The following INPP5A variants were observed in gnomAD, a reference collection of about 807,000 sequenced individuals.
INPP5A encodes the protein inositol polyphosphate-5-phosphatase A.
INPP5A carries 14 observed loss-of-function variants against 65.2 expected under a neutral mutation model. That is an observed-to-expected ratio of 0.21 (90% CI 0.14 to 0.34). INPP5A has a LOEUF of 0.34. Ranked by LOEUF, INPP5A falls within the 10% of genes least tolerant of loss-of-function variation. The pLI, the probability that INPP5A is intolerant of heterozygous loss-of-function variation, is 1.00. For missense variants in INPP5A, 431 were observed against 545.6 expected (o/e 0.79, Z 2.09); for synonymous variants, 207 against 208.3 (o/e 0.99, Z 0.05).
chr10:132,751,544 C>T (rs544110034), intron 11 of INPP5A, among the ~76,000 whole-genome samples: 95 of 152,246 alleles, frequency 6.2e-4, no homozygotes, highest in Non-Finnish European at 1.1e-3. Flanking sequence ...AGGACACTCC[C>T]GGGTGGCGCA....
chr10:132,768,925 A>G (rs957771767), intron 12 of INPP5A, among the ~76,000 whole-genome samples: 1 of 152,202 alleles, frequency 6.6e-6, no homozygotes, highest in Non-Finnish European at 1.5e-5. Context: ...GAGTGGTTCA[A>G]GGCACCTTAT....
chr10:132,763,285 G>A lies in INPP5A; in HGVS notation c.904-2488G>A, dbSNP rs1204119816. Among the ~76,000 whole-genome samples, 5 of 152,194 alleles carry A rather than the reference G, an allele frequency of 3.3e-5. No individual in the cohort carries two copies. In the East Asian group the frequency reaches 9.6e-4, roughly 29 times the overall value. On this transcript the variant is annotated intron_variant, in intron 11 of 15. Coordinates refer to ENST00000368594, the MANE Select transcript of INPP5A (RefSeq NM_005539.5). ...TAGTCTCATAGCTGGTGCCTGCAGAGCCAAGAACCGCATGGCACCTAGCGC... is the reference window on the plus strand; with the variant it reads ...TAGTCTCATAGCTGGTGCCTGCAGAACCAAGAACCGCATGGCACCTAGCGC...
chr10:132,728,568 T>G (rs1287640275), intron 9 of INPP5A, among the ~76,000 whole-genome samples: 3 of 152,234 alleles, frequency 2.0e-5, no homozygotes, highest in African/African-American at 7.2e-5. Flanking sequence ...AGTGAGCTCA[T>G]TTCTAACCTG....
chr10:132,548,177 G>A (rs1278379023), intron 1 of INPP5A, among the ~76,000 whole-genome samples: 1 of 152,072 alleles, frequency 6.6e-6, no homozygotes, highest in African/African-American at 2.4e-5. Flanking sequence ...ATCGTGCCCG[G>A]CCATGGTGTC....
rs111412608 is a variant in INPP5A at position 132,716,336 on chromosome 10, T to C, written c.647+5880T>C. On this transcript the variant is annotated intron_variant, in intron 8 of 15. Transcript: ENST00000368594. ...CACAGGCACGGATGTTTCTGTACTT[T>C]TATTATGTGCCAGCTGGAGGCAAGC... Among the ~76,000 whole-genome samples the C allele has an allele frequency of 2.6e-3, 390 of 152,348 alleles. 3 individuals are homozygous for C. The highest frequency in any genetic ancestry group is 0.014 in the Middle Eastern group (4 of 294).
In INPP5A at chr10:132,555,090, G is replaced by A. The variant is rs2071109608; in HGVS notation, c.75+16919G>A. Among the ~76,000 whole-genome samples the A allele has an allele frequency of 6.6e-6, 1 of 151,840 alleles. No homozygotes were observed. Among genetic ancestry groups the A allele is most frequent in the Admixed American group, 6.6e-5 (1 of 15,248 alleles). Reference sequence around the variant, plus strand: ...GGCATTGATGTGGGTAGCATGGGCAGTGTGGGTGGCATGGCTGCTGTGGGT... The same window carrying A: ...GGCATTGATGTGGGTAGCATGGGCAATGTGGGTGGCATGGCTGCTGTGGGT... On this transcript the variant is annotated intron_variant, in intron 1 of 15. Coordinates refer to ENST00000368594, the MANE Select transcript of INPP5A (RefSeq NM_005539.5). The surrounding 1 kb of genome is among the most constrained non-coding windows in gnomAD (Gnocchi z 4.4).
intron 2 of INPP5A, among the ~76,000 whole-genome samples, chr10:132,617,889 A>G (rs1229958067): frequency 1.3e-5 from 2 of 152,250 alleles, no homozygotes; most frequent in East Asian, 3.9e-4. Context: ...CAGCAGACAC[A>G]TGTGCGTACA....
In INPP5A at chr10:132,704,668, G is replaced by A. The variant is rs952886671; in HGVS notation, c.475-3645G>A. On this transcript the variant is annotated intron_variant, in intron 6 of 15. Transcript: ENST00000368594. This position sits in a 1 kb window ranked among gnomAD's most constrained non-coding sequence, Gnocchi z 4.5. ...TGGATCCTGTGCGTGGCTGGGCCGTGGGGGGGCAGTGGCTGTTCCAGGTGG... is the reference window on the plus strand; with the variant it reads ...TGGATCCTGTGCGTGGCTGGGCCGTAGGGGGGCAGTGGCTGTTCCAGGTGG... 2.6e-5 allele frequency among the ~76,000 whole-genome samples: 4 copies of A among 152,018 alleles called. No individual in the cohort carries two copies. The South Asian group carries it at 6.2e-4, about 24-fold the overall frequency.
At chr10:132,568,326 C>T (rs764592958) in intron 1 of INPP5A, among the ~76,000 whole-genome samples, 7 of 151,954 alleles carry the variant, frequency 4.6e-5, no homozygotes, top group Non-Finnish European at 8.8e-5. Context: ...GTATCGATAG[C>T]GAAGTTTGTT....
At chr10:132,566,360 T>C (rs2071274833) in intron 1 of INPP5A, among the ~76,000 whole-genome samples, 1 of 152,200 alleles carries the variant, frequency 6.6e-6, no homozygotes, top group Non-Finnish European at 1.5e-5. Flanking sequence ...CCCAGTTCCC[T>C]TTCAACCAGC....
intron 3 of INPP5A, among the ~76,000 whole-genome samples, chr10:132,648,170 G>A (rs2072523973): frequency 6.6e-6 from 1 of 152,264 alleles, no homozygotes; most frequent in African/African-American, 2.4e-5. Flanking sequence ...CCCCTGTTGG[G>A]AAGCACCTTC....
intron 1 of INPP5A, among the ~76,000 whole-genome samples, chr10:132,568,008 T>C (rs2071292860): frequency 6.6e-6 from 1 of 151,868 alleles, no homozygotes; most frequent in Non-Finnish European, 1.5e-5. Flanking sequence ...CTGGCCAACA[T>C]AGTGAAACCC....
chr10:132,605,662 C>T (rs34309159), intron 1 of INPP5A, among the ~76,000 whole-genome samples: 24,568 of 152,114 alleles, frequency 0.16, 2,342 homozygotes, highest in Admixed American at 0.26. Flanking sequence ...AGCAGCGCCA[C>T]GCGGGCCAGA....
chr10:132,671,163 A>T (rs1018193561), intron 4 of INPP5A, among the ~76,000 whole-genome samples: 28 of 152,088 alleles, frequency 1.8e-4, no homozygotes, highest in Admixed American at 1.4e-3. Flanking sequence ...TCCATCTGTC[A>T]GGAGTGTCCC....
At chr10:132,612,465 G>A (rs940170683) in intron 2 of INPP5A, among the ~76,000 whole-genome samples, 7 of 151,748 alleles carry the variant, frequency 4.6e-5, no homozygotes, top group Admixed American at 1.3e-4. Context: ...TTGGGGGTTC[G>A]GGGAGGCTGT....
chr10:132,587,854 G>A lies in INPP5A; in HGVS notation c.76-20061G>A, dbSNP rs1163781757. On this transcript the variant is annotated intron_variant, in intron 1 of 15. Transcript: ENST00000368594. The surrounding 1 kb of genome is among the most constrained non-coding windows in gnomAD (Gnocchi z 4.3). ...GGTGAAATCCCGTCTCTACTAAAAA[G>A]ACAAAAAATTAGCCGGGCATGGTGG... Among the ~76,000 whole-genome samples the A allele has an allele frequency of 1.3e-5, 2 of 151,164 alleles. No individual in the cohort carries two copies. The highest frequency in any genetic ancestry group is 3.0e-5 in the Non-Finnish European group (2 of 67,784).
chr10:132,598,754 G>A (rs2071741000), intron 1 of INPP5A, among the ~76,000 whole-genome samples: 1 of 152,192 alleles, frequency 6.6e-6, no homozygotes, highest in Non-Finnish European at 1.5e-5. Context: ...ACGTACCTGA[G>A]ACTGGGAAGA....
chr10:132,697,762 G>C lies in INPP5A; in HGVS notation c.371-54G>C, dbSNP rs1267265332. On this transcript the variant is annotated intron_variant, in intron 5 of 15. Transcript: ENST00000368594. The surrounding 1 kb of genome is among the most constrained non-coding windows in gnomAD (Gnocchi z 5.6). Reference sequence around the variant, plus strand: ...TGGAAACAGGTTGTGCTCCAGGCTGGTTGGATGGGGCACAGTGATGGGATA... The same window carrying C: ...TGGAAACAGGTTGTGCTCCAGGCTGCTTGGATGGGGCACAGTGATGGGATA... The C allele has an allele frequency of 1.0e-5, 13 of 1,253,648 alleles. No individual in the cohort carries two copies. Among genetic ancestry groups the C allele is most frequent in the Admixed American group, 1.8e-5 (1 of 56,042 alleles). 77.7% of individuals were successfully genotyped at this position (1,253,648 alleles called of 1,614,324 possible).
Position 132,644,829 on chromosome 10 carries a change from G to A in INPP5A, c.118-1039G>A, listed in dbSNP as rs757742699. ...CTGCTCAAGTGAAATGGGGCTCCCCGACTGCCTCACATGTGTCCCACCCAG... is the reference window on the plus strand; with the variant it reads ...CTGCTCAAGTGAAATGGGGCTCCCCAACTGCCTCACATGTGTCCCACCCAG... On this transcript the variant is annotated intron_variant, in intron 2 of 15. Coordinates refer to ENST00000368594, the MANE Select transcript of INPP5A (RefSeq NM_005539.5). The surrounding 1 kb of genome is among the most constrained non-coding windows in gnomAD (Gnocchi z 6.5). Among the ~76,000 whole-genome samples, 14 of 152,168 alleles carry A rather than the reference G, an allele frequency of 9.2e-5. No individual in the cohort carries two copies. Among genetic ancestry groups the A allele is most frequent in the East Asian group, 3.8e-4 (2 of 5,198 alleles).
Sources: allele counts gnomAD v4.1 joint callset (sites outside exome capture counted in the v4.1 genomes callset), GRCh38; gene constraint gnomAD v4.1.1; non-coding constraint Gnocchi (gnomAD v3.1); transcripts MANE v1.5; gene names NCBI Gene and HGNC (gene_info 2026-07-23, HGNC 2026-07-21).